The following MANBA variants were observed in gnomAD, a reference collection of about 807,000 sequenced individuals.
MANBA encodes beta-mannosidase.
Under a neutral mutation model 111.1 loss-of-function variants are expected in MANBA, and 83 were observed. The ratio of observed to expected loss-of-function variants is 0.75; its 90% CI spans 0.63 to 0.90. MANBA has a LOEUF of 0.90. Ranked by LOEUF, MANBA falls within the 40% of genes least tolerant of loss-of-function variation. MANBA has a pLI of 0.00. For synonymous variants in MANBA, 370 were observed against 378.7 expected, an observed-to-expected ratio of 0.98 and a Z score of 0.27; for missense variants, 1,036 against 1,069.0, an observed-to-expected ratio of 0.97 and a Z score of 0.43.
At chr4:102,682,296 C>A (rs1430440031) in intron 7 of MANBA, among the ~76,000 whole-genome samples, 1 of 151,930 alleles carries the variant, frequency 6.6e-6, no homozygotes. Flanking sequence ...AAAACTTAGA[C>A]CAACATATGA....
At chr4:102,712,882 T>C (rs1303496418) in intron 5 of MANBA, among the ~76,000 whole-genome samples, 2 of 152,054 alleles carry the variant, frequency 1.3e-5, no homozygotes, top group African/African-American at 2.4e-5. Context: ...AACGTATGGG[T>C]GGTAGCATGG....
intron 13 of MANBA, among the ~76,000 whole-genome samples, chr4:102,646,191 G>T (rs228618): frequency 0.48 from 72,352 of 151,794 alleles, 17,456 homozygotes; most frequent in South Asian, 0.53. Flanking sequence ...GCTACATATT[G>T]GCTTGATTAT....
intron 5 of MANBA, among the ~76,000 whole-genome samples, chr4:102,706,395 A>T (rs2110264314): frequency 6.6e-6 from 1 of 152,322 alleles, no homozygotes; most frequent in East Asian, 1.9e-4. Flanking sequence ...TATTGCAAGC[A>T]CTCAAAATCA....
rs112310387 is a variant in MANBA, at chr4:102,729,410, C to T, written c.178-2727G>A. On this transcript the variant is annotated intron_variant, in intron 1 of 16. Transcript: ENST00000647097. ...ACCTCAGCGATGATGCTGTTCATGCCCAGGGAGCGGCTGTTGTCCATGGGC... is the reference window on the plus strand; with the variant it reads ...ACCTCAGCGATGATGCTGTTCATGCTCAGGGAGCGGCTGTTGTCCATGGGC... The T allele has an allele frequency of 4.3e-3, 4,807 of 1,130,970 alleles. 86 individuals are homozygous for T. The African/African-American group carries it at 0.043, about 10-fold the overall frequency. The allele number at this position is 1,130,970 out of a possible 1,614,324, so 70.1% of individuals were successfully genotyped here.
intron 1 of MANBA, chr4:102,751,896 A>C: frequency 1.7e-6 from 1 of 605,020 alleles, no homozygotes; most frequent in Non-Finnish European, 3.2e-6. Flanking sequence ...TATGGATCCA[A>C]CTATTCTCTT....
intron 5 of MANBA, among the ~76,000 whole-genome samples, chr4:102,713,386 T>C (rs891276860): frequency 5.3e-5 from 8 of 152,216 alleles, no homozygotes; most frequent in African/African-American, 1.9e-4. Context: ...TTTGTTTTGT[T>C]TGGTAATTGT....
chr4:102,657,542 A>T (rs949614751), intron 12 of MANBA, 140 bp downstream of exon 12: 2 of 741,372 alleles, frequency 2.7e-6, no homozygotes, highest in African/African-American at 3.6e-5. Flanking sequence ...GTTTAAAAAA[A>T]TTATTTTCCT....
intron 1 of MANBA, among the ~76,000 whole-genome samples, chr4:102,756,424 G>A (rs1039726648): frequency 2.0e-5 from 3 of 152,104 alleles, no homozygotes; most frequent in African/African-American, 7.2e-5. Context: ...ATTGAACAAT[G>A]AGAACACTTG....
intron 14 of MANBA, among the ~76,000 whole-genome samples, chr4:102,638,279 A>G (rs1165097960): frequency 6.6e-6 from 1 of 152,032 alleles, no homozygotes; most frequent in Non-Finnish European, 1.5e-5. Flanking sequence ...TACAAAAATG[A>G]GCCAGGCATG....
chr4:102,684,124 C>T (rs1281892141), intron 7 of MANBA, among the ~76,000 whole-genome samples: 1 of 151,198 alleles, frequency 6.6e-6, no homozygotes, highest in Non-Finnish European at 1.5e-5. Context: ...AAAAAAAAAT[C>T]CTAAACACGT....
intron 1 of MANBA, chr4:102,729,515 C>T (rs1427306533): frequency 2.2e-5 from 20 of 924,158 alleles, no homozygotes; most frequent in South Asian, 1.3e-4. Flanking sequence ...AAATTGATCT[C>T]GTCAGTCAGC....
At chr4:102,704,617 G>C (rs1317420218) in intron 5 of MANBA, among the ~76,000 whole-genome samples, 3 of 151,770 alleles carry the variant, frequency 2.0e-5, no homozygotes, top group Non-Finnish European at 4.4e-5. Flanking sequence ...CTGCCTCATA[G>C]TATATACCAA....
At chr4:102,669,105 G>T in intron 9 of MANBA, 56 bp from the exon 10 acceptor site, 7 of 1,299,776 alleles carry the variant, frequency 5.4e-6, no homozygotes, top group Non-Finnish European at 7.7e-6. Flanking sequence ...TTACACAGAA[G>T]AAAGTCTTTA....
In MANBA at chr4:102,734,421, C is replaced by T. The variant is rs1474293498; in HGVS notation, c.178-7738G>A. ...TGAGCCCACTTTCCTGGAGAACCTG[C>T]TATGGTACGGACTCTTCCTGGGAGC... On this transcript the variant is annotated intron_variant, in intron 1 of 16. Coordinates refer to ENST00000647097, the MANE Select transcript of MANBA (RefSeq NM_005908.4). 46 of 1,609,026 alleles carry T rather than the reference C, an allele frequency of 2.9e-5. No homozygotes were observed. The South Asian group carries it at 4.0e-4, about 14-fold the overall frequency.
chr4:102,650,781 A>G, intron 12 of MANBA, 80 bp from the exon 13 acceptor site: 1 of 1,120,940 alleles, frequency 8.9e-7, no homozygotes, highest in South Asian at 1.3e-5. Context: ...ACAAACCTGG[A>G]AAGTATCCTA....
chr4:102,701,728 C>T lies in MANBA; in HGVS notation c.674-10957G>A, dbSNP rs1339528557. On this transcript the variant is annotated intron_variant, in intron 5 of 16. Transcript: ENST00000647097. ...CTTGTAGAGTTTCTGCTGAGAGATCCGCTGTTAGTCTGATGGGCTTCCCTT... is the reference window on the plus strand; with the variant it reads ...CTTGTAGAGTTTCTGCTGAGAGATCTGCTGTTAGTCTGATGGGCTTCCCTT... Among the ~76,000 whole-genome samples, 16 of 151,558 alleles carry T rather than the reference C, an allele frequency of 1.1e-4. No homozygotes were observed. The East Asian group carries it at 1.9e-3, about 18-fold the overall frequency.
chr4:102,687,731 A>C (rs769870957), intron 7 of MANBA, among the ~76,000 whole-genome samples: 4 of 152,152 alleles, frequency 2.6e-5, no homozygotes, highest in Non-Finnish European at 5.9e-5. Context: ...GGCTCATTTA[A>C]TGATTGAACT....
In MANBA at chr4:102,657,920, G is replaced by T. The variant is rs1343593343; in HGVS notation, c.1486-20C>A. The T allele has an allele frequency of 1.4e-6, 2 of 1,457,798 alleles. No individual in the cohort carries two copies. The highest frequency in any genetic ancestry group is 1.7e-5 in the Admixed American group (1 of 59,760). The allele number at this position is 1,457,798 out of a possible 1,614,324, so 90.3% of individuals were successfully genotyped here. On this transcript the variant is annotated intron_variant, in intron 11 of 16. Transcript: ENST00000647097. ...GTCTCCCTGAGTTCAGAAATAAAAT[G>T]AATTCAAGGATAATATATTCATCCT... is the stretch of plus-strand genomic sequence containing the variant.
intron 5 of MANBA, among the ~76,000 whole-genome samples, chr4:102,699,421 T>G (rs1732903565): frequency 6.6e-6 from 1 of 152,092 alleles, no homozygotes; most frequent in East Asian, 1.9e-4. Flanking sequence ...AGAGATGGCA[T>G]CCCTGTCTTG....
Sources: allele counts gnomAD v4.1 joint callset (sites outside exome capture counted in the v4.1 genomes callset), GRCh38; gene constraint gnomAD v4.1.1; transcripts MANE v1.5; gene names NCBI Gene and HGNC (gene_info 2026-07-23, HGNC 2026-07-21).